The following EPHA6 variants were observed in gnomAD, a reference collection of about 807,000 sequenced individuals.
EPHA6 encodes EPH receptor A6, also known as ephrin type-A receptor 6.
EPHA6 carries 50 observed loss-of-function variants against 112.0 expected under a neutral mutation model. The ratio of observed to expected loss-of-function variants is 0.45; its 90% CI spans 0.36 to 0.56. The LOEUF (loss-of-function observed/expected upper bound fraction) is 0.56, where lower values mean the gene tolerates loss of function less well. Ranked by LOEUF, EPHA6 falls within the 20% of genes least tolerant of loss-of-function variation. The pLI is 0.00. For missense variants in EPHA6, 1,280 were observed against 1,417.4 expected (o/e 0.90, Z 1.56); for synonymous variants, 529 against 490.7 (o/e 1.08, Z -1.03).
intron 6 of EPHA6, chr3:97,439,637 G>T: frequency 1.0e-6 from 1 of 1,003,580 alleles, no homozygotes; most frequent in Non-Finnish European, 1.2e-6. Flanking sequence ...CCTCAGAAAG[G>T]CAGAAACCAG....
rs2036134694 is a variant in EPHA6 at position 97,760,514 on chromosome 3, C to T, written c.*11813C>T. On this transcript the variant is annotated 3_prime_UTR_variant, in exon 18 of 18. Transcript: ENST00000389672. ...GATTGTGAATAATGGAGATTGCTCT[C>T]CATTTTTTGCTGTTCTAGCATAGCC... 1 of 177,658 alleles carries T rather than the reference C, an allele frequency of 5.6e-6. No homozygotes were observed. Among genetic ancestry groups the T allele is most frequent in the African/African-American group, 2.4e-5 (1 of 42,036 alleles). The allele number at this position is 177,658 out of a possible 1,614,324, so 11.0% of individuals were successfully genotyped here.
At chr3:97,285,298 G>T (rs142373167) in intron 5 of EPHA6, among the ~76,000 whole-genome samples, 1 of 152,100 alleles carries the variant, frequency 6.6e-6, no homozygotes, top group African/African-American at 2.4e-5. Context: ...TGTGATAAAT[G>T]TAACTATCAA....
At chr3:97,596,253 G>A (rs2093589956) in intron 12 of EPHA6, among the ~76,000 whole-genome samples, 1 of 152,100 alleles carries the variant, frequency 6.6e-6, no homozygotes, top group Non-Finnish European at 1.5e-5. Flanking sequence ...TTTGCTCCAT[G>A]TAGTTATTTC....
chr3:97,219,355 T>A (rs1380724943), intron 3 of EPHA6, among the ~76,000 whole-genome samples: 1 of 152,186 alleles, frequency 6.6e-6, no homozygotes, highest in African/African-American at 2.4e-5. Flanking sequence ...GCATCAGACT[T>A]CTGCCATATA....
chr3:96,950,996 CT>C (rs1209786382), intron 2 of EPHA6, among the ~76,000 whole-genome samples: 2 of 151,344 alleles, frequency 1.3e-5, no homozygotes, highest in Admixed American at 1.3e-4. Context: ...GTGTTGACTT[CT>C]TTGCTTTTTT....
At chr3:96,895,094 T>C (rs2038192518) in intron 2 of EPHA6, among the ~76,000 whole-genome samples, 2 of 152,178 alleles carry the variant, frequency 1.3e-5, no homozygotes, top group South Asian at 4.1e-4. Flanking sequence ...AGGCAGGTTC[T>C]TCAGAAAGTA....
intron 3 of EPHA6, among the ~76,000 whole-genome samples, chr3:97,084,223 G>A (rs2108208810): frequency 6.7e-6 from 1 of 149,116 alleles, no homozygotes; most frequent in Non-Finnish European, 1.5e-5. Context: ...CAGAAATCTT[G>A]GTTATTTTTA....
At chr3:96,973,591 G>C (rs948865578) in intron 2 of EPHA6, among the ~76,000 whole-genome samples, 1 of 151,780 alleles carries the variant, frequency 6.6e-6, no homozygotes, top group Admixed American at 6.6e-5. Context: ...GGAGGCTGAG[G>C]GGGGCGGATT....
chr3:97,124,042 C>G (rs1471222983), intron 3 of EPHA6, among the ~76,000 whole-genome samples: 1 of 151,978 alleles, frequency 6.6e-6, no homozygotes, highest in Non-Finnish European at 1.5e-5. Context: ...TGTTAATAAA[C>G]CAACATTTAT....
At chr3:96,939,898 T>G (rs1048149912) in intron 2 of EPHA6, among the ~76,000 whole-genome samples, 1 of 152,198 alleles carries the variant, frequency 6.6e-6, no homozygotes, top group Non-Finnish European at 1.5e-5. Context: ...TCAGTTTCCA[T>G]GTAGTTGAGC....
chr3:97,371,524 A>C lies in EPHA6; in HGVS notation c.1607-33626A>C, dbSNP rs1008518004. Among the ~76,000 whole-genome samples, 4 of 152,106 alleles carry C rather than the reference A, an allele frequency of 2.6e-5. No homozygotes were observed. The East Asian group carries it at 7.7e-4, about 29-fold the overall frequency. ...TGCTTTACTTTAATCTCTTAATCCC[A>C]TCATCTTCATAAGCTCAGGAAGAAT... On this transcript the variant is annotated intron_variant, in intron 5 of 17. Coordinates refer to ENST00000389672, the MANE Select transcript of EPHA6 (RefSeq NM_001080448.3).
chr3:96,831,939 T>G (rs1049909935), intron 1 of EPHA6, among the ~76,000 whole-genome samples: 1 of 152,114 alleles, frequency 6.6e-6, no homozygotes, highest in African/African-American at 2.4e-5. Context: ...ACTCTGCTTC[T>G]TCTCCTTGTA....
chr3:97,640,502 G>A (rs191027597), intron 14 of EPHA6, among the ~76,000 whole-genome samples: 9 of 152,106 alleles, frequency 5.9e-5, no homozygotes, highest in East Asian at 5.8e-4. Flanking sequence ...ACGGTGGCTC[G>A]CGCCTGTTAT....
intron 4 of EPHA6, among the ~76,000 whole-genome samples, chr3:97,231,306 T>G (rs2108555190): frequency 6.6e-6 from 1 of 152,266 alleles, no homozygotes; most frequent in South Asian, 2.1e-4. Context: ...TTTTAAGAGC[T>G]TACTTACTTT....
chr3:97,282,085 T>G (rs2108664410), intron 5 of EPHA6, among the ~76,000 whole-genome samples: 1 of 152,332 alleles, frequency 6.6e-6, no homozygotes, highest in South Asian at 2.1e-4. Context: ...GTTCAGTAAT[T>G]GAACACATTG....
rs569884269 is a variant in EPHA6, at chr3:96,862,135, T to A, written c.386-4690T>A. ...ATTTAAATGGACTGCTTCTAAAATG[T>A]AACGTATAAAGATACATGTTTGTTT... On this transcript the variant is annotated intron_variant, in intron 1 of 17. Coordinates refer to ENST00000389672, the MANE Select transcript of EPHA6 (RefSeq NM_001080448.3). Among the ~76,000 whole-genome samples, 27 of 151,992 alleles carry A rather than the reference T, an allele frequency of 1.8e-4. No homozygotes were observed. In the South Asian group the frequency reaches 2.5e-3, roughly 14 times the overall value.
chr3:97,084,103 T>G (rs1323358037), intron 3 of EPHA6, among the ~76,000 whole-genome samples: 54 of 49,804 alleles, frequency 1.1e-3, no homozygotes, highest in African/African-American at 1.7e-3. Flanking sequence ...TGTGCATGGA[T>G]ATATATATAT....
At chr3:97,020,350 A>G (rs537211390) in intron 3 of EPHA6, among the ~76,000 whole-genome samples, 1 of 152,346 alleles carries the variant, frequency 6.6e-6, no homozygotes, top group African/African-American at 2.4e-5. Context: ...CAGAAATTTC[A>G]CAGATCAGGT....
rs147005900 is a variant in EPHA6 at position 96,871,773 on chromosome 3, C to A, written c.450+4884C>A. On this transcript the variant is annotated intron_variant, in intron 2 of 17. Transcript: ENST00000389672. ...TGATCTTTAGCTGTGAATACTATAT[C>A]CAGGTTTGCTTGATATATAATCAAA... is the stretch of plus-strand genomic sequence containing the variant. 7.0e-4 allele frequency among the ~76,000 whole-genome samples: 106 copies of A among 151,970 alleles called. No homozygotes were observed. The East Asian group carries it at 0.017, about 25-fold the overall frequency.
Sources: allele counts gnomAD v4.1 joint callset (sites outside exome capture counted in the v4.1 genomes callset), GRCh38; gene constraint gnomAD v4.1.1; transcripts MANE v1.5; gene names NCBI Gene and HGNC (gene_info 2026-07-23, HGNC 2026-07-21).